CSMD3: variants seen among roughly 807,000 people sequenced by gnomAD.
CSMD3 encodes the protein CUB and sushi domain-containing protein 3.
CSMD3 carries 177 observed loss-of-function variants against 435.2 expected under a neutral mutation model. The observed-to-expected ratio is 0.41, with a 90% CI of 0.36 to 0.46. The LOEUF (loss-of-function observed/expected upper bound fraction) is 0.46, where lower values mean the gene tolerates loss of function less well. Ranked by LOEUF, CSMD3 falls within the 20% of genes least tolerant of loss-of-function variation. The pLI, the probability that CSMD3 is intolerant of heterozygous loss-of-function variation, is 0.34. For synonymous variants in CSMD3, 1,656 were observed against 1,520.5 expected (o/e 1.09, Z -2.07); for missense variants, 4,265 against 4,504.6 (o/e 0.95, Z 1.52).
intron 3 of CSMD3, among the ~76,000 whole-genome samples, chr8:113,237,021 G>T (rs2093158660): frequency 6.6e-6 from 1 of 151,948 alleles, no homozygotes; most frequent in Non-Finnish European, 1.5e-5. Flanking sequence ...GGCCAGTCTG[G>T]GGTTCCCTTT....
At chr8:112,587,696 G>A (rs4631491) in intron 22 of CSMD3, among the ~76,000 whole-genome samples, 86,960 of 151,294 alleles carry the variant, frequency 0.57, 25,472 homozygotes, top group African/African-American at 0.68. Context: ...TCAGTATTCC[G>A]CTGACACAAG....
At chr8:112,258,793 A>G (rs1433692492) in intron 61 of CSMD3, among the ~76,000 whole-genome samples, 1 of 152,174 alleles carries the variant, frequency 6.6e-6, no homozygotes, top group Non-Finnish European at 1.5e-5. Context: ...TAATCCCAGC[A>G]CTTTGGGAGG....
intron 26 of CSMD3, among the ~76,000 whole-genome samples, chr8:112,552,004 T>C (rs902587791): frequency 1.3e-5 from 2 of 151,884 alleles, no homozygotes; most frequent in African/African-American, 4.8e-5. Flanking sequence ...TCTGTACTTA[T>C]CTAAGGGGTA....
intron 4 of CSMD3, among the ~76,000 whole-genome samples, chr8:113,102,159 C>T (rs1228314076): frequency 6.6e-6 from 1 of 152,070 alleles, no homozygotes; most frequent in African/African-American, 2.4e-5. Flanking sequence ...ATTCTTTCAT[C>T]ATTACTCTGT....
chr8:112,294,723 T>C (rs1563750525), intron 54 of CSMD3, among the ~76,000 whole-genome samples: 1 of 152,158 alleles, frequency 6.6e-6, no homozygotes, highest in Admixed American at 6.6e-5. Flanking sequence ...TACACTTTAT[T>C]CTTCATCTGT....
chr8:113,240,021 T>TA (rs2093195902), intron 3 of CSMD3, among the ~76,000 whole-genome samples: 1 of 152,048 alleles, frequency 6.6e-6, no homozygotes, highest in Non-Finnish European at 1.5e-5. Flanking sequence ...CCACCCCCGA[T>TA]AGGCCCCAGT....
intron 52 of CSMD3, among the ~76,000 whole-genome samples, chr8:112,302,780 T>A (rs1396053718): frequency 6.6e-6 from 1 of 151,810 alleles, no homozygotes; most frequent in Non-Finnish European, 1.5e-5. Context: ...GCATATCAAA[T>A]TTAAAATGTA....
At chr8:112,407,304 T>C (rs1299026640) in intron 34 of CSMD3, among the ~76,000 whole-genome samples, 1 of 152,070 alleles carries the variant, frequency 6.6e-6, no homozygotes, top group Non-Finnish European at 1.5e-5. Context: ...AAGTTTTTAC[T>C]TTAATAATCA....
chr8:112,618,504 C>T (rs1350408246), intron 22 of CSMD3, among the ~76,000 whole-genome samples: 1 of 152,020 alleles, frequency 6.6e-6, no homozygotes, highest in African/African-American at 2.4e-5. Context: ...TGGGTTCCTT[C>T]CAAGGAACTG....
At chr8:113,105,003 T>C (rs2090432528) in intron 4 of CSMD3, among the ~76,000 whole-genome samples, 1 of 152,128 alleles carries the variant, frequency 6.6e-6, no homozygotes, top group Non-Finnish European at 1.5e-5. Context: ...AATAAGTATG[T>C]GTTTTTAAAC....
intron 27 of CSMD3, among the ~76,000 whole-genome samples, chr8:112,535,342 T>C (rs1825964884): frequency 6.6e-6 from 1 of 152,184 alleles, no homozygotes; most frequent in African/African-American, 2.4e-5. Context: ...ACAAAATCAG[T>C]GTACAAAAAT....
chr8:112,394,816 C>A (rs1481116983), intron 35 of CSMD3, among the ~76,000 whole-genome samples: 1 of 152,138 alleles, frequency 6.6e-6, no homozygotes, highest in African/African-American at 2.4e-5. Context: ...AATGTAAATG[C>A]AAAATGTAAG....
intron 58 of CSMD3, among the ~76,000 whole-genome samples, chr8:112,284,767 A>T (rs948296927): frequency 2.0e-4 from 30 of 151,954 alleles, no homozygotes; most frequent in Admixed American, 2.6e-4. Context: ...GAAGCAATAG[A>T]TATATCCCAT....
Position 112,247,128 on chromosome 8 carries a change from CTACCT to C in CSMD3, c.10111-2_10113del. 1 of 1,604,662 alleles carries C rather than the reference CTACCT, an allele frequency of 6.2e-7. No homozygotes were observed. Among genetic ancestry groups the C allele is most frequent in the Non-Finnish European group, 8.5e-7 (1 of 1,171,786 alleles). ...TTGCAATGGAACTGTACAACACTTCCTACCTATAGCAAATTAAAGAGAGGAAAAAA... is the reference window on the plus strand; with the variant it reads ...TTGCAATGGAACTGTACAACACTTCCATAGCAAATTAAAGAGAGGAAAAAA... On this transcript the variant is annotated splice_acceptor_variant and coding_sequence_variant, in exon 64 of 71. Transcript: ENST00000297405. LOFTEE classifies it high-confidence loss of function.
At chr8:112,822,007 A>G (rs1187144374) in intron 12 of CSMD3, among the ~76,000 whole-genome samples, 1 of 152,210 alleles carries the variant, frequency 6.6e-6, no homozygotes, top group Non-Finnish European at 1.5e-5. Flanking sequence ...CCACTGATCT[A>G]TATGACTGTT....
At position 112,421,490 on chromosome 8, in the gene CSMD3, G is replaced by A. The variant is rs562809987; in HGVS notation, c.5396-12458C>T. On this transcript the variant is annotated intron_variant, in intron 32 of 70. Transcript: ENST00000297405. ...ACCCGGGAGCCACAGGTTGTAGTGA[G>A]CCAAGATTGTGCCACTGCACTCCAG... 2.6e-5 allele frequency among the ~76,000 whole-genome samples: 4 copies of A among 151,092 alleles called. No homozygotes were observed. In the East Asian group the frequency reaches 5.8e-4, roughly 22 times the overall value.
chr8:113,175,978 A>G (rs1339291320), intron 3 of CSMD3, among the ~76,000 whole-genome samples: 1 of 152,072 alleles, frequency 6.6e-6, no homozygotes, highest in African/African-American at 2.4e-5. Context: ...ATTAACTTTG[A>G]TTTAAATGAA....
chr8:112,531,133 G>A (rs1019864107), intron 27 of CSMD3, among the ~76,000 whole-genome samples: 1 of 152,098 alleles, frequency 6.6e-6, no homozygotes, highest in African/African-American at 2.4e-5. Flanking sequence ...GAAGGAGAGG[G>A]AAGAGTACGG....
intron 69 of CSMD3, among the ~76,000 whole-genome samples, chr8:112,231,251 C>CT (rs1408908734): frequency 6.6e-6 from 1 of 152,134 alleles, no homozygotes; most frequent in Non-Finnish European, 1.5e-5. Flanking sequence ...TTAATATTTT[C>CT]TTTTTTATCT....
Sources: gnomAD v4.1 joint callset for allele counts (sites outside exome capture counted in the v4.1 genomes callset) on GRCh38, gnomAD v4.1.1 for gene constraint, MANE v1.5 for transcripts, NCBI Gene and HGNC (gene_info 2026-07-23, HGNC 2026-07-21) for gene names.